Variants in NXPE2 observed in about 807,000 individuals in gnomAD.
The protein encoded by NXPE2 is NXPE family member 2.
In NXPE2, 34 loss-of-function variants were observed where a neutral mutation model predicts 34.4. The ratio of observed to expected loss-of-function variants is 0.99; its 90% CI spans 0.75 to 1.31. The LOEUF (loss-of-function observed/expected upper bound fraction) is 1.31, where lower values mean the gene tolerates loss of function less well. NXPE2 is among the 40% of genes most tolerant of loss of function. NXPE2 has a pLI of 0.00. For missense variants in NXPE2, 649 were observed against 672.5 expected (o/e 0.97, Z 0.39); for synonymous variants, 235 against 231.3 (o/e 1.02, Z -0.15).
the NXPE2 span, among the ~76,000 whole-genome samples, chr11:114,713,502 C>T: frequency 4.6e-5 from 7 of 152,032 alleles, no homozygotes; most frequent in East Asian, 9.6e-4. Context: ...GCTCAAGCCC[C>T]GAACCTGAGT....
At chr11:114,523,876 A>G in the NXPE2 span, among the ~76,000 whole-genome samples, 13 of 152,368 alleles carry the variant, frequency 8.5e-5, 1 homozygote, top group South Asian at 2.3e-3. Flanking sequence ...TACTGATACT[A>G]CGTTCTGTAT....
the NXPE2 span, among the ~76,000 whole-genome samples, chr11:114,808,451 A>G: frequency 7.7e-6 from 1 of 129,088 alleles, no homozygotes. Context: ...TGCTAGCAAG[A>G]CTAATAAAGA....
the NXPE2 span, among the ~76,000 whole-genome samples, chr11:114,507,326 T>C: frequency 6.6e-6 from 1 of 150,724 alleles, no homozygotes; most frequent in Non-Finnish European, 1.5e-5. Flanking sequence ...CAAGAGCTGG[T>C]ACCATTCCTA....
At chr11:114,760,069 A>G in the NXPE2 span, among the ~76,000 whole-genome samples, 1 of 151,630 alleles carries the variant, frequency 6.6e-6, no homozygotes, top group African/African-American at 2.4e-5. Flanking sequence ...TTTTCTCTGC[A>G]CTCATTAGCA....
intron 3 of NXPE2, 116 bp downstream of exon 3, chr11:114,698,894 A>C: frequency 2.0e-6 from 2 of 1,002,048 alleles, no homozygotes; most frequent in African/African-American, 1.6e-5. Context: ...CTAAATTATA[A>C]TTAGGTCCTC....
chr11:114,688,775 C>T (rs1012342015), intron 2 of NXPE2, among the ~76,000 whole-genome samples: 1 of 151,684 alleles, frequency 6.6e-6, no homozygotes, highest in African/African-American at 2.4e-5. Flanking sequence ...TGTCTTTAGT[C>T]ATTTTTGGTC....
chr11:114,809,408 C>T, the NXPE2 span, among the ~76,000 whole-genome samples: 2 of 151,294 alleles, frequency 1.3e-5, no homozygotes, highest in African/African-American at 2.4e-5. Flanking sequence ...CAAATTGTCC[C>T]TGTTTGCAGA....
At chr11:114,524,138 G>A in the NXPE2 span, among the ~76,000 whole-genome samples, 1 of 152,126 alleles carries the variant, frequency 6.6e-6, no homozygotes, top group Admixed American at 6.5e-5. Flanking sequence ...TAGTAGTAAG[G>A]GAAGAAATGG....
chr11:114,668,833 A>C, the NXPE2 span, among the ~76,000 whole-genome samples: 1 of 152,282 alleles, frequency 6.6e-6, no homozygotes, highest in East Asian at 1.9e-4. Flanking sequence ...AAATAACTGG[A>C]CAAAATCATC....
At chr11:114,747,826 C>T in the NXPE2 span, among the ~76,000 whole-genome samples, 9 of 152,118 alleles carry the variant, frequency 5.9e-5, 1 homozygote, top group South Asian at 8.3e-4. Context: ...TTTTGTGGTG[C>T]GAAAAAATTT....
chr11:114,663,674 C>T, the NXPE2 span, among the ~76,000 whole-genome samples: 12 of 126,192 alleles, frequency 9.5e-5, no homozygotes, highest in Admixed American at 8.3e-5. Context: ...TATCATCTAT[C>T]TATTTATCTA....
chr11:114,726,130 G>A, the NXPE2 span, among the ~76,000 whole-genome samples: 1 of 151,298 alleles, frequency 6.6e-6, no homozygotes, highest in Non-Finnish European at 1.5e-5. Flanking sequence ...TTATTTAGTT[G>A]GATATAGAAT....
chr11:114,632,489 AAT>A, the NXPE2 span, among the ~76,000 whole-genome samples: 4 of 125,942 alleles, frequency 3.2e-5, no homozygotes, highest in African/African-American at 1.2e-4. Flanking sequence ...AATACTCCAT[AAT>A]ATATATTATA....
At chr11:114,699,213 C>G (rs1002616065) in intron 3 of NXPE2, among the ~76,000 whole-genome samples, 1 of 152,166 alleles carries the variant, frequency 6.6e-6, no homozygotes, top group African/African-American at 2.4e-5. Context: ...TCCCTCCCAA[C>G]TATCTCCTGA....
the NXPE2 span, among the ~76,000 whole-genome samples, chr11:114,634,084 G>C: frequency 6.6e-6 from 1 of 151,572 alleles, no homozygotes; most frequent in Admixed American, 6.6e-5. Context: ...CACCAACAGT[G>C]TAAAAGTGTT....
At chr11:114,484,588 G>C in the NXPE2 span, among the ~76,000 whole-genome samples, 1 of 152,114 alleles carries the variant, frequency 6.6e-6, no homozygotes, top group African/African-American at 2.4e-5. Context: ...TATATGAAGG[G>C]ATATTAGAAA....
Position 114,698,277 on chromosome 11 carries a change from C to A in NXPE2, c.365C>A (p.Thr122Lys). The change falls in exon 3 of 6, where the codon ACG becomes AAG. Residue 122 changes from threonine to lysine, a missense_variant. Transcript: ENST00000389586. ...STATILNPQD[T>K]YCRGDQLDIL... ...GCCACCATCCTCAACCCTCAAGATA[C>A]GTACTGCAGGGGGGATCAGCTGGAC... 1.2e-6 allele frequency: 2 copies of A among 1,613,360 alleles called. No individual in the cohort carries two copies. The highest frequency in any genetic ancestry group is 1.7e-6 in the Non-Finnish European group (2 of 1,179,566).
At chr11:114,641,606 G>T in the NXPE2 span, among the ~76,000 whole-genome samples, 1 of 151,974 alleles carries the variant, frequency 6.6e-6, no homozygotes, top group Non-Finnish European at 1.5e-5. Flanking sequence ...AATAGGAAGA[G>T]AATAGCACAG....
the NXPE2 span, among the ~76,000 whole-genome samples, chr11:114,596,561 A>G: frequency 3.9e-5 from 6 of 152,206 alleles, no homozygotes; most frequent in Admixed American, 2.0e-4. Flanking sequence ...TTCTTCCAAC[A>G]TCTTTGATCC....
Sources: allele counts gnomAD v4.1 joint callset (sites outside exome capture counted in the v4.1 genomes callset), GRCh38; gene constraint gnomAD v4.1.1; transcripts MANE v1.5; gene names NCBI Gene and HGNC (gene_info 2026-07-23, HGNC 2026-07-21).